The following GRM5 variants were observed in gnomAD, a reference collection of about 807,000 sequenced individuals.
The protein encoded by GRM5 is metabotropic glutamate receptor 5.
GRM5 carries 19 observed loss-of-function variants against 83.1 expected under a neutral mutation model. The observed-to-expected ratio is 0.23, with a 90% CI of 0.16 to 0.34. The LOEUF (loss-of-function observed/expected upper bound fraction) is 0.34, where lower values mean the gene tolerates loss of function less well. Ranked by LOEUF, GRM5 falls within the 10% of genes least tolerant of loss-of-function variation. The probability of loss-of-function intolerance (pLI) is 1.00; values close to 1 mark genes in which losing one functional copy is unlikely to be tolerated. For missense variants in GRM5, 1,160 were observed against 1,588.3 expected, an observed-to-expected ratio of 0.73 and a Z score of 4.58; for synonymous variants, 675 against 633.6, an observed-to-expected ratio of 1.07 and a Z score of -0.98.
In GRM5 at chr11:88,509,174, C is replaced by T. The variant is rs200400629; in HGVS notation, c.3057G>A (p.Pro1019=). 4.6e-6 allele frequency: 7 copies of T among 1,536,052 alleles called. No individual in the cohort carries two copies. The highest frequency in any genetic ancestry group is 2.4e-5 in the South Asian group (2 of 83,274). Residue 1019 remains proline (P), a synonymous_variant, in exon 10 of 10, where the codon CCG becomes CCA. Coordinates refer to ENST00000305447, the MANE Select transcript of GRM5 (RefSeq NM_001143831.3). ...HFPAPARPRS[P]SPISTLSHRA... ...GGTGGCTCAGCGTGCTGATGGGCGA[C>T]GGTGAGCGCGGCCGCGCGGGCGCCG... is the stretch of plus-strand genomic sequence containing the variant.
chr11:88,658,154 A>T (rs1392952977), intron 3 of GRM5, among the ~76,000 whole-genome samples: 1 of 152,136 alleles, frequency 6.6e-6, no homozygotes, highest in Non-Finnish European at 1.5e-5. Context: ...GGTGAATCCT[A>T]TCGTGAACTG....
At chr11:88,826,284 T>G (rs1009744266) in intron 3 of GRM5, among the ~76,000 whole-genome samples, 1 of 152,106 alleles carries the variant, frequency 6.6e-6, no homozygotes, top group Non-Finnish European at 1.5e-5. Flanking sequence ...AAAGATGGTT[T>G]CTTCATTGTA....
At chr11:88,564,661 A>T (rs1814562301) in intron 8 of GRM5, among the ~76,000 whole-genome samples, 1 of 152,212 alleles carries the variant, frequency 6.6e-6, no homozygotes, top group Non-Finnish European at 1.5e-5. Context: ...TCCCAAATTC[A>T]TTCAACAAAC....
At chr11:88,979,705 CT>C (rs1239339524) in intron 2 of GRM5, among the ~76,000 whole-genome samples, 1 of 152,036 alleles carries the variant, frequency 6.6e-6, no homozygotes, top group Non-Finnish European at 1.5e-5. Flanking sequence ...AGGTCTGATG[CT>C]TCTGTGAATT....
chr11:88,586,539 A>G, intron 7 of GRM5, among the ~76,000 whole-genome samples: 1 of 152,226 alleles, frequency 6.6e-6, no homozygotes, highest in Non-Finnish European at 1.5e-5. Flanking sequence ...CTATAAGCCA[A>G]GTGCATATAA....
At chr11:88,786,943 A>G (rs1486005305) in intron 3 of GRM5, among the ~76,000 whole-genome samples, 1 of 152,146 alleles carries the variant, frequency 6.6e-6, no homozygotes, top group Non-Finnish European at 1.5e-5. Context: ...GAAATAATGT[A>G]TGTATTATTC....
chr11:88,993,265 CAAAA>C (rs71046275), intron 2 of GRM5, among the ~76,000 whole-genome samples: 1 of 102,644 alleles, frequency 9.7e-6, no homozygotes, highest in African/African-American at 4.0e-5. Context: ...GACTCTGTCT[CAAAA>C]AAAAAAAAAA....
At chr11:88,946,710 T>A (rs1938294218) in intron 2 of GRM5, among the ~76,000 whole-genome samples, 1 of 152,126 alleles carries the variant, frequency 6.6e-6, no homozygotes, top group South Asian at 2.1e-4. Flanking sequence ...CTATGTCCTC[T>A]CTTCTGGATC....
chr11:88,815,473 G>A (rs1171933387), intron 3 of GRM5, among the ~76,000 whole-genome samples: 1 of 152,162 alleles, frequency 6.6e-6, no homozygotes, highest in Non-Finnish European at 1.5e-5. Flanking sequence ...AATTGAGTTT[G>A]TGTTGCTATA....
intron 3 of GRM5, among the ~76,000 whole-genome samples, chr11:88,770,652 G>T (rs1278796677): frequency 6.6e-6 from 1 of 152,084 alleles, no homozygotes; most frequent in African/African-American, 2.4e-5. Flanking sequence ...TGTGATGGAT[G>T]GTATGTGTCA....
chr11:89,064,888 C>CTCTCTGTGTGTGTGTGTGTGTG (rs1218318990), intron 1 of GRM5, among the ~76,000 whole-genome samples: 1 of 62,268 alleles, frequency 1.6e-5, no homozygotes, highest in African/African-American at 6.9e-5. Context: ...CTCTCTCTCT[C>CTCTCTGTGTGTGTGTGTGTGTG]TGTGTGTGTG....
chr11:88,749,960 C>A (rs1942230133), intron 3 of GRM5, among the ~76,000 whole-genome samples: 1 of 152,046 alleles, frequency 6.6e-6, no homozygotes, highest in South Asian at 2.1e-4. Flanking sequence ...AAAGGAAAAA[C>A]CGTTGCCAGC....
At chr11:88,688,924 A>G (rs1166233084) in intron 3 of GRM5, among the ~76,000 whole-genome samples, 3 of 152,152 alleles carry the variant, frequency 2.0e-5, no homozygotes, top group African/African-American at 7.2e-5. Flanking sequence ...CAAAAGAACC[A>G]AATCTACATA....
intron 2 of GRM5, among the ~76,000 whole-genome samples, chr11:89,003,097 G>A (rs750569425): frequency 1.2e-4 from 19 of 152,110 alleles, no homozygotes; most frequent in African/African-American, 2.7e-4. Context: ...AAGAACTTAC[G>A]TTTTTCTTGG....
chr11:88,728,868 C>A (rs923770100), intron 3 of GRM5, among the ~76,000 whole-genome samples: 9 of 152,052 alleles, frequency 5.9e-5, no homozygotes, highest in Non-Finnish European at 1.0e-4. Context: ...ATTGATGGAA[C>A]GTATCTCAAA....
rs1591341447 is a variant in GRM5, at chr11:88,551,219, G to A, written c.2630+15834C>T. 3.3e-5 allele frequency among the ~76,000 whole-genome samples: 5 copies of A among 152,260 alleles called. No homozygotes were observed. In the South Asian group the frequency reaches 1.0e-3, roughly 32 times the overall value. On this transcript the variant is annotated intron_variant, in intron 8 of 9. Coordinates refer to ENST00000305447, the MANE Select transcript of GRM5 (RefSeq NM_001143831.3). ...TGCTACATCATAAATGCTCATTGAAGTTAGTTATCATTAGCCCCTATCATC... is the reference window on the plus strand; with the variant it reads ...TGCTACATCATAAATGCTCATTGAAATTAGTTATCATTAGCCCCTATCATC...
intron 2 of GRM5, among the ~76,000 whole-genome samples, chr11:89,017,924 C>T (rs769430036): frequency 6.6e-6 from 1 of 152,110 alleles, no homozygotes; most frequent in African/African-American, 2.4e-5. Flanking sequence ...GTTTTTACTT[C>T]TTACCACCTC....
intron 2 of GRM5, among the ~76,000 whole-genome samples, chr11:88,877,567 C>T (rs1457028092): frequency 6.6e-6 from 1 of 151,972 alleles, no homozygotes; most frequent in East Asian, 1.9e-4. Context: ...AATCCCAGCA[C>T]TTTGGGAGGC....
intron 2 of GRM5, among the ~76,000 whole-genome samples, chr11:88,969,255 T>C (rs1466436148): frequency 6.6e-6 from 1 of 152,084 alleles, no homozygotes; most frequent in Non-Finnish European, 1.5e-5. Context: ...TATATATATG[T>C]ATATATTTAC....
Sources: allele counts gnomAD v4.1 joint callset (sites outside exome capture counted in the v4.1 genomes callset), GRCh38; gene constraint gnomAD v4.1.1; transcripts MANE v1.5; gene names NCBI Gene and HGNC (gene_info 2026-07-23, HGNC 2026-07-21).